Variants in HUNK observed in about 807,000 individuals in gnomAD.
HUNK encodes the protein hormonally up-regulated neu tumor-associated kinase.
A neutral mutation model predicts 61.0 loss-of-function variants in HUNK; 21 were observed. The ratio of observed to expected loss-of-function variants is 0.34; its 90% CI spans 0.24 to 0.50. The LOEUF (loss-of-function observed/expected upper bound fraction) is 0.50. HUNK is among the 20% of genes least tolerant of loss of function. The pLI, the probability that HUNK is intolerant of heterozygous loss-of-function variation, is 0.98. For synonymous variants in HUNK, 371 were observed against 386.1 expected (o/e 0.96, Z 0.46); for missense variants, 772 against 945.7 (o/e 0.82, Z 2.41).
intron 4 of HUNK, among the ~76,000 whole-genome samples, chr21:31,954,069 G>T (rs891159448): frequency 6.6e-6 from 1 of 152,202 alleles, no homozygotes; most frequent in African/African-American, 2.4e-5. Flanking sequence ...AAGAAGGCAA[G>T]CAGTTTGGTG....
chr21:31,957,713 G>A (rs1401461109), intron 4 of HUNK, among the ~76,000 whole-genome samples: 1 of 152,150 alleles, frequency 6.6e-6, no homozygotes, highest in Non-Finnish European at 1.5e-5. Flanking sequence ...TTTCTATTCT[G>A]TAGATTGGCT....
intron 5 of HUNK, 130 bp from the exon 6 acceptor site, chr21:31,968,120 A>C: frequency 9.2e-7 from 1 of 1,090,222 alleles, no homozygotes; most frequent in Non-Finnish European, 1.3e-6. Context: ...CCAGAGACCT[A>C]GAGAAGAGAT....
At chr21:31,925,262 T>A (rs2052652358) in intron 2 of HUNK, among the ~76,000 whole-genome samples, 1 of 152,238 alleles carries the variant, frequency 6.6e-6, no homozygotes, top group Admixed American at 6.5e-5. Flanking sequence ...CTGGGCAAGT[T>A]ACTTAACCTC....
intron 1 of HUNK, among the ~76,000 whole-genome samples, chr21:31,920,542 T>C (rs535429684): frequency 5.3e-5 from 8 of 152,238 alleles, no homozygotes; most frequent in Non-Finnish European, 1.2e-4. Flanking sequence ...AATTGTACTT[T>C]TCAGCATTCT....
chr21:31,917,957 T>C (rs13051839), intron 1 of HUNK, among the ~76,000 whole-genome samples: 14,075 of 152,234 alleles, frequency 0.092, 809 homozygotes, highest in Middle Eastern at 0.15. Flanking sequence ...CTCCCCCGAC[T>C]CAAGTAGTTT....
chr21:31,955,944 A>G (rs564321626), intron 4 of HUNK, among the ~76,000 whole-genome samples: 11 of 152,334 alleles, frequency 7.2e-5, no homozygotes, highest in African/African-American at 2.6e-4. Context: ...TCCTCCCCTT[A>G]ACTCAATTCA....
chr21:31,962,169 A>G (rs1334607771), intron 5 of HUNK, among the ~76,000 whole-genome samples: 1 of 152,168 alleles, frequency 6.6e-6, no homozygotes, highest in Non-Finnish European at 1.5e-5. Context: ...TTTCTAAAAC[A>G]TGGCATGCGG....
chr21:31,966,527 C>T (rs1410141410), intron 5 of HUNK, among the ~76,000 whole-genome samples: 1 of 152,156 alleles, frequency 6.6e-6, no homozygotes, highest in Non-Finnish European at 1.5e-5. Context: ...GGTGGGTTGA[C>T]CATGGAGGTT....
chr21:31,960,576 TCA>T (rs1181435044), intron 5 of HUNK, among the ~76,000 whole-genome samples: 4 of 151,986 alleles, frequency 2.6e-5, no homozygotes. Context: ...TTTAATAGAC[TCA>T]CAGTTCCACA....
intron 1 of HUNK, among the ~76,000 whole-genome samples, chr21:31,876,818 T>A (rs753094100): frequency 1.3e-5 from 2 of 152,196 alleles, no homozygotes; most frequent in East Asian, 1.9e-4. Context: ...ATTTATTTTT[T>A]AAATTTTTTA....
Position 31,916,112 on chromosome 21 carries a change from G to A in HUNK, c.262-8356G>A, listed in dbSNP as rs1299379406. ...GTCGCCCAGGCTGGAGTGCAGCGGC[G>A]CGATCTCAGCTCACTGCAAGCTCCG... On this transcript the variant is annotated intron_variant, in intron 1 of 10. Coordinates refer to ENST00000270112, the MANE Select transcript of HUNK (RefSeq NM_014586.2). Among the ~76,000 whole-genome samples the A allele has an allele frequency of 2.9e-5, 4 of 137,500 alleles. No homozygotes were observed. The South Asian group carries it at 7.4e-4, about 25-fold the overall frequency. 90.2% of individuals were successfully genotyped at this position (137,500 alleles called of 152,430 possible).
At chr21:31,879,129 C>G (rs1314495781) in intron 1 of HUNK, among the ~76,000 whole-genome samples, 1 of 152,190 alleles carries the variant, frequency 6.6e-6, no homozygotes, top group Non-Finnish European at 1.5e-5. Flanking sequence ...AGAAATATGA[C>G]TAATTTTAGA....
chr21:31,992,925 G>A (rs2053180974), intron 9 of HUNK, among the ~76,000 whole-genome samples: 1 of 152,218 alleles, frequency 6.6e-6, no homozygotes, highest in Admixed American at 6.5e-5. Context: ...CAGGGAGCAG[G>A]TGGGGTGAAT....
At chr21:31,971,043 G>A (rs772085455) in intron 6 of HUNK, among the ~76,000 whole-genome samples, 16 of 149,790 alleles carry the variant, frequency 1.1e-4, no homozygotes, top group African/African-American at 3.7e-4. Context: ...GTTTTTAAGC[G>A]TGGAACCAGA....
At chr21:31,903,682 A>T (rs1481871227) in intron 1 of HUNK, among the ~76,000 whole-genome samples, 1 of 152,208 alleles carries the variant, frequency 6.6e-6, no homozygotes, top group African/African-American at 2.4e-5. Flanking sequence ...AACCTCTATT[A>T]AATAAAATTT....
rs117108200 is a variant in HUNK, at chr21:32,000,119, G to A, written c.*935G>A. ...GATCCTTCTGGAAGGCATAGAACACGGTTACAGCTGGTTCTGTAGAAAGAG... is the reference window on the plus strand; with the variant it reads ...GATCCTTCTGGAAGGCATAGAACACAGTTACAGCTGGTTCTGTAGAAAGAG... On this transcript the variant is annotated 3_prime_UTR_variant, in exon 11 of 11. Coordinates refer to ENST00000270112, the MANE Select transcript of HUNK (RefSeq NM_014586.2). 215 of 398,638 alleles carry A rather than the reference G, an allele frequency of 5.4e-4. 2 individuals are homozygous for A. The East Asian group carries it at 7.6e-3, about 14-fold the overall frequency. 24.7% of individuals were successfully genotyped at this position (398,638 alleles called of 1,614,324 possible). A position where few individuals can be genotyped will look rare whatever the true frequency, so the allele number is the denominator to read the frequency against.
At chr21:31,919,472 A>G (rs1472614333) in intron 1 of HUNK, among the ~76,000 whole-genome samples, 1 of 152,222 alleles carries the variant, frequency 6.6e-6, no homozygotes, top group Non-Finnish European at 1.5e-5. Flanking sequence ...GGGAACCAAC[A>G]CCAATTGTTA....
chr21:31,950,451 G>A (rs1315270085), intron 4 of HUNK, among the ~76,000 whole-genome samples: 3 of 152,198 alleles, frequency 2.0e-5, no homozygotes, highest in African/African-American at 7.2e-5. Flanking sequence ...GAGTGGAGAC[G>A]GCCAGGTGGA....
rs2123781803 is a variant in HUNK, at chr21:31,873,331, G to C, written c.-344G>C. 6.6e-6 allele frequency: 1 copy of C among 151,830 alleles called. No individual in the cohort carries two copies. Among genetic ancestry groups the C allele is most frequent in the African/African-American group, 2.4e-5 (1 of 41,494 alleles). The allele number at this position is 151,830 out of a possible 1,614,324, so 9.4% of individuals were successfully genotyped here. Reference sequence around the variant, plus strand: ...CGGGACCCAGGCGCCGCCGGACCGCGCCCCACCCCGCGCGCCCGAGCAGGG... The same window carrying C: ...CGGGACCCAGGCGCCGCCGGACCGCCCCCCACCCCGCGCGCCCGAGCAGGG... On this transcript the variant is annotated 5_prime_UTR_variant, in exon 1 of 11. Coordinates refer to ENST00000270112, the MANE Select transcript of HUNK (RefSeq NM_014586.2). The surrounding 1 kb of genome is among the most constrained non-coding windows in gnomAD (Gnocchi z 6.1).
Sources: gnomAD v4.1 joint callset for allele counts (sites outside exome capture counted in the v4.1 genomes callset) on GRCh38, gnomAD v4.1.1 for gene constraint, Gnocchi (gnomAD v3.1) non-coding constraint, MANE v1.5 for transcripts, NCBI Gene and HGNC (gene_info 2026-07-23, HGNC 2026-07-21) for gene names.